Variants in TAB2 observed in about 807,000 individuals in gnomAD.
The protein encoded by TAB2 is TGF-beta activated kinase 1 (MAP3K7) binding protein 2.
In TAB2, 3 loss-of-function variants were observed where a neutral mutation model predicts 65.0. That is an observed-to-expected ratio of 0.05 (90% CI 0.02 to 0.12). The LOEUF (loss-of-function observed/expected upper bound fraction) is 0.12, where lower values mean the gene tolerates loss of function less well. Ranked by LOEUF, TAB2 falls within the 10% of genes least tolerant of loss-of-function variation. The pLI, the probability that TAB2 is intolerant of heterozygous loss-of-function variation, is 1.00. For synonymous variants in TAB2, 298 were observed against 285.1 expected, an observed-to-expected ratio of 1.05 and a Z score of -0.46; for missense variants, 623 against 840.3, an observed-to-expected ratio of 0.74 and a Z score of 3.20.
chr6:149,305,951 G>A (rs9485381), intron 1 of TAB2, among the ~76,000 whole-genome samples: 7,355 of 152,208 alleles, frequency 0.048, 568 homozygotes, highest in African/African-American at 0.16. Context: ...GATGACCAAC[G>A]CCTCTCCTTC....
rs143792758 is a variant in TAB2 at position 149,341,339 on chromosome 6, T to C, written c.-90+23324T>C. Among the ~76,000 whole-genome samples the C allele has an allele frequency of 7.4e-3, 1,129 of 152,318 alleles. 14 individuals carry two copies. The highest frequency in any genetic ancestry group is 0.026 in the African/African-American group (1,090 of 41,578). On this transcript the variant is annotated intron_variant, in intron 1 of 6. Transcript: ENST00000637181. ...TACATGTCTTAGAATGTGATTATAG[T>C]TGAATTATTTAAACCGAAAGCCTGC...
At chr6:149,340,197 T>TA (rs1780072358) in intron 1 of TAB2, among the ~76,000 whole-genome samples, 1 of 152,194 alleles carries the variant, frequency 6.6e-6, no homozygotes. Context: ...GCTGTGAGTG[T>TA]AAATAAGATG....
At chr6:149,304,125 T>C (rs1431138657) in intron 1 of TAB2, 1 of 152,296 alleles carries the variant, frequency 6.6e-6, no homozygotes, top group East Asian at 1.9e-4. Context: ...CCCCTATATC[T>C]GAGCACAGGT....
intron 1 of TAB2, among the ~76,000 whole-genome samples, chr6:149,289,440 A>G (rs35552421): frequency 0.42 from 63,864 of 151,694 alleles, 14,197 homozygotes; most frequent in East Asian, 0.66. Flanking sequence ...AAAGTCCCTC[A>G]TAGATCACTG....
At chr6:149,279,558 C>T (rs906600185) in intron 1 of TAB2, among the ~76,000 whole-genome samples, 7 of 152,268 alleles carry the variant, frequency 4.6e-5, no homozygotes, top group South Asian at 2.1e-4. Flanking sequence ...GAGGTGCTCC[C>T]GGCATCTAGA....
chr6:149,377,355 GT>G (rs1037012718), intron 2 of TAB2, among the ~76,000 whole-genome samples: 5 of 150,306 alleles, frequency 3.3e-5, no homozygotes, highest in Admixed American at 1.3e-4. Flanking sequence ...ACAATCTGAG[GT>G]TTTTTTCCCC....
At chr6:149,308,864 G>A (rs1779117057) in intron 1 of TAB2, among the ~76,000 whole-genome samples, 1 of 152,046 alleles carries the variant, frequency 6.6e-6, no homozygotes, top group Non-Finnish European at 1.5e-5. Context: ...GCCTTGTGGG[G>A]TTTTTCTCCC....
chr6:149,370,428 T>G (rs1423322341), intron 2 of TAB2, among the ~76,000 whole-genome samples: 1 of 152,162 alleles, frequency 6.6e-6, no homozygotes, highest in Non-Finnish European at 1.5e-5. Context: ...TTTCAGATCT[T>G]AGTATGAAAG....
intron 1 of TAB2, among the ~76,000 whole-genome samples, chr6:149,357,459 A>ACACACACG (rs1188834842): frequency 3.3e-5 from 5 of 149,720 alleles, no homozygotes; most frequent in Non-Finnish European, 5.9e-5. Flanking sequence ...ACACACACAC[A>ACACACACG]CACACACATT....
intron 1 of TAB2, among the ~76,000 whole-genome samples, chr6:149,228,129 G>C (rs1407410479): frequency 1.3e-5 from 2 of 151,880 alleles, no homozygotes; most frequent in Non-Finnish European, 2.9e-5. Flanking sequence ...TGCAAAAACA[G>C]AACCTGCCCC....
chr6:149,237,515 A>G (rs1777516643), intron 1 of TAB2, among the ~76,000 whole-genome samples: 1 of 152,178 alleles, frequency 6.6e-6, no homozygotes, highest in Non-Finnish European at 1.5e-5. Flanking sequence ...CAAGGTGCCA[A>G]ATCCAGGCCT....
At chr6:149,338,414 A>G (rs894262043) in intron 1 of TAB2, among the ~76,000 whole-genome samples, 1 of 152,222 alleles carries the variant, frequency 6.6e-6, no homozygotes, top group African/African-American at 2.4e-5. Flanking sequence ...GTTAATTACA[A>G]AATGGATGCG....
At chr6:149,357,926 C>T (rs1197643974) in intron 1 of TAB2, among the ~76,000 whole-genome samples, 1 of 152,130 alleles carries the variant, frequency 6.6e-6, no homozygotes, top group Non-Finnish European at 1.5e-5. Flanking sequence ...GTTTCGAACT[C>T]CTGACCTCAA....
At chr6:149,238,746 G>A (rs1053297722) in intron 1 of TAB2, among the ~76,000 whole-genome samples, 5 of 152,178 alleles carry the variant, frequency 3.3e-5, no homozygotes, top group Admixed American at 2.0e-4. Flanking sequence ...GAGGCTGCTC[G>A]GGGCATATTC....
intron 1 of TAB2, among the ~76,000 whole-genome samples, chr6:149,280,349 C>T (rs570477133): frequency 6.6e-6 from 1 of 152,252 alleles, no homozygotes; most frequent in Non-Finnish European, 1.5e-5. Context: ...GTCACATCTT[C>T]AATCCATACT....
intron 3 of TAB2, among the ~76,000 whole-genome samples, chr6:149,391,216 A>G: frequency 6.6e-6 from 1 of 152,180 alleles, no homozygotes; most frequent in Non-Finnish European, 1.5e-5. Context: ...ATCTGGTGTC[A>G]ATATGATTAT....
intron 1 of TAB2, chr6:149,304,552 G>T (rs1320628369): frequency 3.9e-5 from 6 of 152,378 alleles, no homozygotes; most frequent in African/African-American, 1.4e-4. Flanking sequence ...TTATGGAGCA[G>T]GTCCTATACT....
chr6:149,287,568 G>A (rs1385438797), intron 1 of TAB2, among the ~76,000 whole-genome samples: 1 of 151,864 alleles, frequency 6.6e-6, no homozygotes, highest in Admixed American at 6.6e-5. Flanking sequence ...TGTTGTAAAG[G>A]CATTTCTTTG....
chr6:149,327,895 C>G (rs2114744525), intron 1 of TAB2, among the ~76,000 whole-genome samples: 1 of 152,238 alleles, frequency 6.6e-6, no homozygotes, highest in South Asian at 2.1e-4. Context: ...GATTGTCTAG[C>G]TAAGGTAATT....
Sources: allele counts gnomAD v4.1 joint callset (sites outside exome capture counted in the v4.1 genomes callset), GRCh38; gene constraint gnomAD v4.1.1; transcripts MANE v1.5; gene names NCBI Gene and HGNC (gene_info 2026-07-23, HGNC 2026-07-21).